The following PRPF31 variants were observed in gnomAD, a reference collection of about 807,000 sequenced individuals.
PRPF31 encodes the protein U4/U6 small nuclear ribonucleoprotein Prp31.
Under a neutral mutation model 60.4 loss-of-function variants are expected in PRPF31, and 12 were observed. The ratio of observed to expected loss-of-function variants is 0.20; its 90% confidence interval spans 0.13 to 0.32. The LOEUF (loss-of-function observed/expected upper bound fraction) is 0.32. PRPF31 is among the 10% of genes least tolerant of loss of function. PRPF31 has a pLI of 1.00. For missense variants in PRPF31, 431 were observed against 687.1 expected (o/e 0.63, Z 4.17); for synonymous variants, 287 against 287.9 (o/e 1.00, Z 0.03).
chr19:54,130,657 G>T (rs2074029975), intron 13 of PRPF31, among the ~76,000 whole-genome samples: 1 of 152,054 alleles, frequency 6.6e-6, no homozygotes, highest in Non-Finnish European at 1.5e-5. Context: ...AAATGCCAGG[G>T]AGGGGAGGAG....
intron 1 of PRPF31, 79 bp from the exon 2 acceptor site, chr19:54,118,192 T>C (rs1385750694): frequency 1.9e-6 from 3 of 1,601,618 alleles, no homozygotes; most frequent in Admixed American, 1.7e-5. Flanking sequence ...CAGGGTCTTC[T>C]GGGGGAGAAT....
At chr19:54,124,905 A>G in intron 8 of PRPF31, 1 of 595,998 alleles carries the variant, frequency 1.7e-6, no homozygotes, top group Non-Finnish European at 3.0e-6. Context: ...AAATGGGAGC[A>G]CAGCGCCTGC....
intron 6 of PRPF31, 74 bp from the exon 7 acceptor site, chr19:54,123,675 G>T: frequency 1.3e-6 from 2 of 1,565,686 alleles, no homozygotes; most frequent in East Asian, 2.3e-5. Context: ...CACACACACA[G>T]AACCGAGAGG....
chr19:54,121,909 C>G lies in PRPF31; in HGVS notation c.288C>G (p.Ala96=). ...CTGAATACCGCGTCATCGTGGATGCCAACAACCTGACCGTGGAGATCGAAA... is the reference window on the plus strand; with the variant it reads ...CTGAATACCGCGTCATCGTGGATGCGAACAACCTGACCGTGGAGATCGAAA... The part of the protein sequence containing the change: ...AAPEYRVIVD[A]NNLTVEIENE... Residue 96 remains alanine, a synonymous_variant, in exon 4 of 14, where the codon GCC becomes GCG. Coordinates refer to ENST00000321030, the MANE Select transcript of PRPF31 (RefSeq NM_015629.4). 1 of 1,613,048 alleles carries G rather than the reference C, an allele frequency of 6.2e-7. No individual in the cohort carries two copies. Among genetic ancestry groups the G allele is most frequent in the Non-Finnish European group, 8.5e-7 (1 of 1,179,612 alleles).
rs113691122 is a variant in PRPF31 at position 54,121,847 on chromosome 19, C to T, written c.239-13C>T. The T allele has an allele frequency of 4.1e-3, 6,606 of 1,604,744 alleles. 248 individuals are homozygous for T. In the African/African-American group the frequency reaches 0.078, roughly 19 times the overall value. On this transcript the variant is annotated splice_polypyrimidine_tract_variant and intron_variant, in intron 3 of 13. Coordinates refer to ENST00000321030, the MANE Select transcript of PRPF31 (RefSeq NM_015629.4). ...ATTTAGATACTCACACCCATGCCTCCGTGTCCTCACAGTGATGGGACCAGT... is the reference window on the plus strand; with the variant it reads ...ATTTAGATACTCACACCCATGCCTCTGTGTCCTCACAGTGATGGGACCAGT...
intron 9 of PRPF31, 69 bp downstream of exon 9, chr19:54,126,686 A>T (rs1191603906): frequency 1.4e-6 from 2 of 1,469,226 alleles, no homozygotes. Context: ...CTGCAGGGAG[A>T]CCCTCAGCAG....
At chr19:54,126,732 G>T in intron 9 of PRPF31, 115 bp downstream of exon 9, 1 of 1,069,276 alleles carries the variant, frequency 9.4e-7, no homozygotes, top group Admixed American at 2.0e-5. Context: ...CTACCAAGGC[G>T]GAGGCAGTGC....
rs1444274649 is a variant in PRPF31 at position 54,128,508 on chromosome 19, C to CG, written c.1146+131_1146+132insG. Reference sequence around the variant, plus strand: ...CTAGGGCGCTGCCCCAGCCTCCCCCCCCCCGGCCTCTATTCTCGTTTCCAT... The same window carrying CG: ...CTAGGGCGCTGCCCCAGCCTCCCCCCGCCCCGGCCTCTATTCTCGTTTCCAT... On this transcript the variant is annotated intron_variant, in intron 11 of 13. Transcript: ENST00000321030. The CG allele has an allele frequency of 1.2e-4, 115 of 943,118 alleles. 1 individual carries two copies. The highest frequency in any genetic ancestry group is 6.8e-4 in the Admixed American group (33 of 48,422). The allele number at this position is 943,118 out of a possible 1,614,324, so 58.4% of individuals were successfully genotyped here. A position where few individuals can be genotyped will look rare whatever the true frequency, so the allele number is the denominator to read the frequency against.
At chr19:54,122,028 C>T (rs774056395) in intron 4 of PRPF31, 85 bp downstream of exon 4, 68 of 1,392,892 alleles carry the variant, frequency 4.9e-5, no homozygotes, top group Non-Finnish European at 6.5e-5. Context: ...TTCCCAGGGT[C>T]CTGCCCCTAA....
Position 54,131,480 on chromosome 19 carries a change from T to C in PRPF31, c.*48T>C, listed in dbSNP as rs369572499. 5.2e-5 allele frequency: 84 copies of C among 1,609,808 alleles called. No homozygotes were observed. In the African/African-American group the frequency reaches 9.7e-4, roughly 19 times the overall value. ...GCTTCCCACTGAAGGGACACAGAGG[T>C]CCAGTCCTTCTGAAGGGCTAGGATC... is the stretch of plus-strand genomic sequence containing the variant. On this transcript the variant is annotated 3_prime_UTR_variant, in exon 14 of 14. Coordinates refer to ENST00000321030, the MANE Select transcript of PRPF31 (RefSeq NM_015629.4).
chr19:54,120,773 A>C (rs1232477269), intron 3 of PRPF31, among the ~76,000 whole-genome samples: 5 of 151,706 alleles, frequency 3.3e-5, no homozygotes, highest in African/African-American at 1.2e-4. Context: ...ATGCCTGGCT[A>C]ATTTTTTTTC....
chr19:54,128,887 C>T (rs587654740), intron 11 of PRPF31, among the ~76,000 whole-genome samples, 170 bp from the exon 12 acceptor site: 75 of 152,326 alleles, frequency 4.9e-4, no homozygotes, highest in Middle Eastern at 6.8e-3. Context: ...CAGCATCCCC[C>T]GCGTGTGTGG....
At chr19:54,125,589 C>G (rs62143397) in intron 8 of PRPF31, among the ~76,000 whole-genome samples, 12,794 of 152,130 alleles carry the variant, frequency 0.084, 589 homozygotes, top group South Asian at 0.11. Flanking sequence ...ACCTCAGGCT[C>G]ACGGCCCTGT....
At chr19:54,117,914 C>T (rs2073689706) in intron 1 of PRPF31, among the ~76,000 whole-genome samples, 1 of 151,778 alleles carries the variant, frequency 6.6e-6, no homozygotes, top group South Asian at 2.1e-4. Flanking sequence ...GATAAGCCAG[C>T]AGTGCAAGAC....
In PRPF31 at chr19:54,122,298, G is replaced by A. The variant is rs1418630792; in HGVS notation, c.323-199G>A. 44 of 706,176 alleles carry A rather than the reference G, an allele frequency of 6.2e-5. No homozygotes were observed. The South Asian group carries it at 6.5e-4, about 10-fold the overall frequency. 43.7% of individuals were successfully genotyped at this position (706,176 alleles called of 1,614,324 possible). ...TTAAGAACATGTCACTGCAGCTCAC[G>A]TTTTACAGACCAGAACTAATTCCCC... is the stretch of plus-strand genomic sequence containing the variant. On this transcript the variant is annotated intron_variant, in intron 4 of 13. Transcript: ENST00000321030.
At chr19:54,119,845 G>A (rs1250684241) in intron 3 of PRPF31, 3 of 152,198 alleles carry the variant, frequency 2.0e-5, no homozygotes, top group African/African-American at 7.2e-5. Context: ...GCCATAGGAG[G>A]TTTCTGGGGA....
At chr19:54,124,159 C>A in intron 7 of PRPF31, 2 of 822,858 alleles carry the variant, frequency 2.4e-6, no homozygotes, top group East Asian at 2.7e-5. Flanking sequence ...CACACCCAGG[C>A]CCTGTTGTCA....
Position 54,123,807 on chromosome 19 carries a change from G to A in PRPF31, c.586G>A (p.Glu196Lys), listed in dbSNP as rs750678173. The A allele has an allele frequency of 1.2e-6, 2 of 1,613,246 alleles. No individual in the cohort carries two copies. The highest frequency in any genetic ancestry group is 1.7e-6 in the Non-Finnish European group (2 of 1,180,000). The change falls in exon 7 of 14, where the codon GAG becomes AAG. Residue 196 changes from glutamate (E) to lysine (K), a missense_variant. Physicochemically the swap from Glu to Lys is moderately conservative, Grantham distance 56. Transcript: ENST00000321030. ...GGAGGAGGCCTGCGACATGGCGCTG[G>A]AGCTGAACGCCTCCAAGCACCGCAT... ...RLEEACDMALELNASKHRIYE... is the reference protein window; with the variant it reads ...RLEEACDMALKLNASKHRIYE...
At position 54,118,371 on chromosome 19, in the gene PRPF31, G is replaced by A. The variant is rs921655639; in HGVS notation, c.93G>A (p.Ala31=). ...GSYGEEEEEP[A]IEDVQEETQL... is the part of the protein sequence containing the mutation. Reference sequence around the variant, plus strand: ...ATGGGGAGGAAGAAGAGGAGCCAGCGATCGAGGATGTGCAGGAGGAGACAC... The same window carrying A: ...ATGGGGAGGAAGAAGAGGAGCCAGCAATCGAGGATGTGCAGGAGGAGACAC... The change falls in exon 2 of 14, where the codon GCG becomes GCA. Residue 31 remains alanine (A), a synonymous_variant. Transcript: ENST00000321030. 1.5e-5 allele frequency: 24 copies of A among 1,613,964 alleles called. No homozygotes were observed. The highest frequency in any genetic ancestry group is 8.0e-5 in the African/African-American group (6 of 74,908).
Sources: allele counts gnomAD v4.1 joint callset (sites outside exome capture counted in the v4.1 genomes callset), GRCh38; gene constraint gnomAD v4.1.1; transcripts MANE v1.5; gene names NCBI Gene and HGNC (gene_info 2026-07-23, HGNC 2026-07-21).